NEDD4: variants seen among roughly 807,000 people sequenced by gnomAD.
NEDD4 encodes NEDD4 E3 ubiquitin protein ligase, also known as E3 ubiquitin-protein ligase NEDD4.
Under a neutral mutation model 144.9 loss-of-function variants are expected in NEDD4, and 99 were observed. The ratio of observed to expected loss-of-function variants is 0.68; its 90% confidence interval spans 0.58 to 0.81. The LOEUF (loss-of-function observed/expected upper bound fraction) is 0.81, where lower values mean the gene tolerates loss of function less well. Ranked by LOEUF, NEDD4 falls within the 30% of genes least tolerant of loss-of-function variation. The pLI, the probability that NEDD4 is intolerant of heterozygous loss-of-function variation, is 0.00. For missense variants in NEDD4, 985 were observed against 1,065.9 expected, an observed-to-expected ratio of 0.92 and a Z score of 1.06; for synonymous variants, 318 against 350.6, an observed-to-expected ratio of 0.91 and a Z score of 1.04.
chr15:55,947,372 G>A (rs1214903777), intron 4 of NEDD4, among the ~76,000 whole-genome samples: 2 of 152,126 alleles, frequency 1.3e-5, no homozygotes, highest in Non-Finnish European at 2.9e-5. Flanking sequence ...TACCATCAGA[G>A]AATACTATAA....
chr15:55,988,487 T>TAAAAAAAAAAAAAAAAAAAAAAAAAATAA (rs56688563), intron 1 of NEDD4, among the ~76,000 whole-genome samples: 1 of 101,712 alleles, frequency 9.8e-6, no homozygotes, highest in Non-Finnish European at 1.8e-5. Flanking sequence ...AAAAAAAAAT[T>TAAAAAAAAAAAAAAAAAAAAAAAAAATAA]AAAAAAAAAA....
At chr15:55,837,948 A>G in intron 23 of NEDD4, 99 bp from the exon 24 acceptor site, 1 of 1,039,716 alleles carries the variant, frequency 9.6e-7, no homozygotes, top group Non-Finnish European at 1.4e-6. Context: ...AGCTGAGACC[A>G]AGGTAAAAGC....
At chr15:55,838,235 G>T (rs1443586621) in intron 22 of NEDD4, 55 bp from the exon 23 acceptor site, 4 of 1,235,014 alleles carry the variant, frequency 3.2e-6, no homozygotes, top group Non-Finnish European at 4.6e-6. Context: ...AATTTAAAAA[G>T]TATACATATT....
rs140499972 is a variant in NEDD4, at chr15:55,834,252, T to C, written c.2297A>G (p.Lys766Arg). Residue 766 changes from lysine (K) to arginine (R), a missense_variant, in exon 25 of 29, where the codon AAA becomes AGA. Lys to Arg is a conservative substitution (Grantham distance 26). Transcript: ENST00000435532. Reference sequence around the variant, plus strand: ...CTCTAGTTCATTTTCATCAAAAATTTTGATGAGATCCTGTGGTATTAGTTC... The same window carrying C: ...CTCTAGTTCATTTTCATCAAAAATTCTGATGAGATCCTGTGGTATTAGTTC... Reference protein sequence around the residue: ...FFELIPQDLIKIFDENELELL... With the variant: ...FFELIPQDLIRIFDENELELL... 10,294 of 1,609,900 alleles carry C rather than the reference T, an allele frequency of 6.4e-3. 43 individuals carry two copies. The highest frequency in any genetic ancestry group is 7.7e-3 in the Non-Finnish European group (9,094 of 1,176,314).
intron 26 of NEDD4, 148 bp from the exon 27 acceptor site, chr15:55,833,252 G>T: frequency 1.8e-6 from 1 of 567,732 alleles, no homozygotes; most frequent in South Asian, 2.7e-5. Flanking sequence ...GTTTATAGAT[G>T]GTTTATAAAG....
At chr15:55,844,807 ATTT>A (rs56088235) in intron 18 of NEDD4, among the ~76,000 whole-genome samples, 8 of 138,744 alleles carry the variant, frequency 5.8e-5, no homozygotes, top group Non-Finnish European at 6.3e-5. Flanking sequence ...CCGGTTTTCA[ATTT>A]TTTTTTTTTT....
chr15:55,966,186 G>T (rs1386317795), intron 2 of NEDD4, among the ~76,000 whole-genome samples: 1 of 152,150 alleles, frequency 6.6e-6, no homozygotes, highest in East Asian at 1.9e-4. Context: ...AGAGTTTATG[G>T]TTGTTATCTG....
chr15:55,958,897 T>C (rs1005959033), intron 2 of NEDD4, among the ~76,000 whole-genome samples: 1 of 136,124 alleles, frequency 7.3e-6, no homozygotes, highest in Non-Finnish European at 1.6e-5. Flanking sequence ...CAGTAATTAG[T>C]GCCTTCTCTC....
intron 5 of NEDD4, chr15:55,905,333 T>C (rs1329500153): frequency 4.4e-6 from 2 of 453,764 alleles, no homozygotes; most frequent in Middle Eastern, 3.2e-4. Context: ...GAGAAACAAA[T>C]TGACCTCAGA....
At chr15:55,950,068 T>C (rs1430981693) in intron 4 of NEDD4, among the ~76,000 whole-genome samples, 1 of 152,134 alleles carries the variant, frequency 6.6e-6, no homozygotes, top group Non-Finnish European at 1.5e-5. Flanking sequence ...AACACTCTCC[T>C]AACCAACACT....
chr15:55,897,567 T>C (rs1384439520), intron 5 of NEDD4, among the ~76,000 whole-genome samples: 9 of 152,168 alleles, frequency 5.9e-5, no homozygotes, highest in African/African-American at 2.2e-4. Flanking sequence ...CTTGGAGCAA[T>C]AATAGTGAGG....
rs770338840 is a variant in NEDD4 at position 55,850,749 on chromosome 15, C to T, written c.1147-7G>A. On this transcript the variant is annotated splice_region_variant and splice_polypyrimidine_tract_variant and intron_variant, in intron 13 of 28. Transcript: ENST00000435532. The stretch of plus-strand genomic sequence containing the variant: ...GACTGGTCTCCACTGTGGCCTAGCA[C>T]ATTAATGAAATCATATTGTAATATT... The T allele has an allele frequency of 4.4e-6, 7 of 1,608,000 alleles. No homozygotes were observed. The highest frequency in any genetic ancestry group is 5.9e-6 in the Non-Finnish European group (7 of 1,178,066).
chr15:55,906,428 T>C (rs2036096736), intron 5 of NEDD4, among the ~76,000 whole-genome samples: 1 of 152,158 alleles, frequency 6.6e-6, no homozygotes, highest in South Asian at 2.1e-4. Context: ...GTGGCACATA[T>C]ACACCATGGA....
At chr15:55,904,904 C>G (rs571329777) in intron 5 of NEDD4, among the ~76,000 whole-genome samples, 1 of 151,812 alleles carries the variant, frequency 6.6e-6, no homozygotes, top group Non-Finnish European at 1.5e-5. Flanking sequence ...ACTAGCCTGA[C>G]CAACATGGAG....
chr15:55,989,899 C>A (rs1371890687), intron 1 of NEDD4, among the ~76,000 whole-genome samples: 2 of 152,072 alleles, frequency 1.3e-5, no homozygotes, highest in East Asian at 3.8e-4. Flanking sequence ...TATTTACAGC[C>A]ACTCCTCACC....
At position 55,856,134 on chromosome 15, in the gene NEDD4, AG is replaced by A; in HGVS notation, c.1022del (p.Pro341LeufsTer27). 6.2e-7 allele frequency: 1 copy of A among 1,612,230 alleles called. No homozygotes were observed. Among genetic ancestry groups the A allele is most frequent in the Non-Finnish European group, 8.5e-7 (1 of 1,178,532 alleles). On this transcript the variant is annotated frameshift_variant, in exon 12 of 29. Coordinates refer to ENST00000435532, the MANE Select transcript of NEDD4 (RefSeq NM_006154.4). LOFTEE classifies it high-confidence loss of function. ...GATGGGAGAGGGTAAAACTCACCAC[AG>A]GAAGTGTAGGTTGTTCCTCAAAAGT... Reference protein sequence around the residue: ...AYTFEEQPTLPVLLPTSSGLP... With the variant: ...AYTFEEQPTLXVLLPTSSGLP...
intron 17 of NEDD4, among the ~76,000 whole-genome samples, chr15:55,847,600 T>C (rs1459817982): frequency 6.6e-6 from 1 of 152,058 alleles, no homozygotes; most frequent in African/African-American, 2.4e-5. Context: ...ACAATTATCA[T>C]ACGTGGTAAT....
At chr15:55,858,508 A>G (rs2034282898) in intron 11 of NEDD4, among the ~76,000 whole-genome samples, 1 of 152,076 alleles carries the variant, frequency 6.6e-6, no homozygotes, top group South Asian at 2.1e-4. Flanking sequence ...AGGTTTCGCC[A>G]TGTTGCCCAG....
intron 12 of NEDD4, among the ~76,000 whole-genome samples, chr15:55,853,719 T>C (rs2034080966): frequency 1.3e-5 from 2 of 152,230 alleles, no homozygotes; most frequent in Admixed American, 6.5e-5. Context: ...CTGGGCATGA[T>C]GGCTCACCCC....
Sources: allele counts gnomAD v4.1 joint callset (sites outside exome capture counted in the v4.1 genomes callset), GRCh38; gene constraint gnomAD v4.1.1; transcripts MANE v1.5; gene names NCBI Gene and HGNC (gene_info 2026-07-23, HGNC 2026-07-21).